Variants in RNF14 observed in about 807,000 individuals in gnomAD.
RNF14 encodes ring finger protein 14.
A neutral mutation model predicts 52.6 loss-of-function variants in RNF14; 26 were observed. The ratio of observed to expected loss-of-function variants is 0.49; its 90% CI spans 0.36 to 0.69. The LOEUF (loss-of-function observed/expected upper bound fraction) is 0.69, where lower values mean the gene tolerates loss of function less well. Among genes scored for constraint, RNF14 ranks in the 30% least tolerant of loss-of-function variants. RNF14 has a pLI of 0.00. For synonymous variants in RNF14, 194 were observed against 202.0 expected (o/e 0.96, Z 0.34); for missense variants, 404 against 560.4 (o/e 0.72, Z 2.82).
chr5:141,974,769 CA>C, intron 3 of RNF14, 34 bp from the exon 4 acceptor site: 1 of 1,610,406 alleles, frequency 6.2e-7, no homozygotes, highest in Non-Finnish European at 8.5e-7. Flanking sequence ...AAGTGTTGAC[CA>C]ACTGATCCTT....
upstream of RNF14, chr5:141,957,634 T>G: frequency 6.2e-7 from 1 of 1,614,190 alleles, no homozygotes; most frequent in Non-Finnish European, 8.5e-7. This position sits in a 1 kb window ranked among gnomAD's most constrained non-coding sequence, Gnocchi z 4.3. Context: ...GGGGAGCGCC[T>G]GAGGCAGCTG....
the RNF14 span, chr5:141,951,432 C>T: frequency 8.1e-7 from 1 of 1,229,394 alleles, no homozygotes; most frequent in Non-Finnish European, 1.2e-6. Context: ...ACAGAGGCTG[C>T]AGTGATGAGG....
chr5:141,952,188 T>A, the RNF14 span, among the ~76,000 whole-genome samples: 1 of 152,070 alleles, frequency 6.6e-6, no homozygotes, highest in African/African-American at 2.4e-5. Context: ...GATGTGAAGG[T>A]TGCAGGCAGC....
chr5:141,957,689 G>C (rs200451693), upstream of RNF14: 395 of 1,614,122 alleles, frequency 2.4e-4, 2 homozygotes, highest in East Asian at 7.4e-3. This position sits in a 1 kb window ranked among gnomAD's most constrained non-coding sequence, Gnocchi z 4.3. Flanking sequence ...CTCTCCTCCC[G>C]GCCCAGTTCC....
upstream of RNF14, chr5:141,966,989 T>C (rs1325666002): frequency 6.6e-6 from 1 of 152,422 alleles, no homozygotes; most frequent in African/African-American, 2.4e-5. Flanking sequence ...TTGGAGATTC[T>C]TCTTCCGTCC....
upstream of RNF14, among the ~76,000 whole-genome samples, chr5:141,962,742 A>G (rs918478099): frequency 5.3e-5 from 8 of 152,186 alleles, no homozygotes; most frequent in African/African-American, 1.9e-4. Context: ...TTCTTTTCCA[A>G]ATTTATTTTG....
the RNF14 span, chr5:141,951,650 C>T: frequency 2.6e-5 from 32 of 1,230,112 alleles, no homozygotes; most frequent in Non-Finnish European, 3.7e-5. Context: ...ACTTCCTCGC[C>T]GGATGTTTCC....
upstream of RNF14, among the ~76,000 whole-genome samples, chr5:141,966,640 C>T (rs1394222492): frequency 6.6e-6 from 1 of 152,174 alleles, no homozygotes; most frequent in Non-Finnish European, 1.5e-5. Flanking sequence ...GAGTCAAAAA[C>T]AAAACTTATT....
chr5:141,954,071 G>A (rs1249865512), upstream of RNF14, among the ~76,000 whole-genome samples: 3 of 152,132 alleles, frequency 2.0e-5, no homozygotes, highest in African/African-American at 7.2e-5. Context: ...ACACTCTAAG[G>A]AGGCAGACAC....
At chr5:141,965,435 T>C (rs907183584), upstream of RNF14, among the ~76,000 whole-genome samples, 1 of 151,946 alleles carries the variant, frequency 6.6e-6, no homozygotes, top group Non-Finnish European at 1.5e-5. Flanking sequence ...GGACAGGGGG[T>C]GGGAGTTGGG....
chr5:141,983,348 T>A, intron 6 of RNF14, 32 bp from the exon 7 acceptor site: 1 of 1,572,282 alleles, frequency 6.4e-7, no homozygotes, highest in Non-Finnish European at 8.7e-7. Context: ...TACAAAGTTA[T>A]ATAAAAGTTA....
chr5:141,973,384 C>T (rs919154569), intron 2 of RNF14, among the ~76,000 whole-genome samples, 199 bp from the exon 3 acceptor site: 4 of 151,962 alleles, frequency 2.6e-5, no homozygotes, highest in African/African-American at 7.3e-5. Context: ...ATTACAGGCA[C>T]CTGCCACCAC....
intron 1 of RNF14, among the ~76,000 whole-genome samples, chr5:141,959,579 T>C (rs561491207): frequency 2.0e-5 from 3 of 152,320 alleles, no homozygotes; most frequent in East Asian, 3.9e-4. Flanking sequence ...GATGCCATGT[T>C]TGGACCCAAG....
At chr5:141,973,528 ACAC>A in intron 2 of RNF14, 52 bp from the exon 3 acceptor site, 1 of 1,502,294 alleles carries the variant, frequency 6.7e-7, no homozygotes, top group Non-Finnish European at 9.0e-7. Context: ...GTGAGCCACC[ACAC>A]CCGGCCAGCC....
chr5:141,975,819 G>C (rs1371636358), intron 4 of RNF14, among the ~76,000 whole-genome samples: 1 of 151,902 alleles, frequency 6.6e-6, no homozygotes, highest in African/African-American at 2.4e-5. Flanking sequence ...CAGATACTTG[G>C]GAGGCTGAGG....
At chr5:141,956,620 A>G (rs776859602), upstream of RNF14, 20 of 1,614,100 alleles carry the variant, frequency 1.2e-5, no homozygotes, top group Non-Finnish European at 1.7e-5. Flanking sequence ...GGTTAGCAAC[A>G]TGTATGTGTT....
intron 7 of RNF14, 84 bp from the exon 8 acceptor site, chr5:141,984,719 A>G (rs1479956162): frequency 3.1e-6 from 4 of 1,293,402 alleles, no homozygotes; most frequent in Non-Finnish European, 4.5e-6. Context: ...GACCAAGACA[A>G]TGTTGTACTG....
upstream of RNF14, chr5:141,957,818 A>G (rs1753213589): frequency 6.2e-7 from 1 of 1,601,566 alleles, no homozygotes; most frequent in Middle Eastern, 1.7e-4. This position sits in a 1 kb window ranked among gnomAD's most constrained non-coding sequence, Gnocchi z 4.3. Context: ...CCTGGCCCCA[A>G]AAGCCCCAGC....
chr5:141,957,694 A>G (rs754142985), upstream of RNF14: 4 of 1,614,144 alleles, frequency 2.5e-6, no homozygotes, highest in Admixed American at 1.7e-5. This position sits in a 1 kb window ranked among gnomAD's most constrained non-coding sequence, Gnocchi z 4.3. Flanking sequence ...CTCCCGGCCC[A>G]GTTCCTGGGA....
Sources: allele counts gnomAD v4.1 joint callset (sites outside exome capture counted in the v4.1 genomes callset), GRCh38; gene constraint gnomAD v4.1.1; non-coding constraint Gnocchi (gnomAD v3.1); transcripts MANE v1.5; gene names NCBI Gene and HGNC (gene_info 2026-07-23, HGNC 2026-07-21).